Variants in HELZ2 observed in about 807,000 individuals in gnomAD.
The protein encoded by HELZ2 is 3'-5' exoribonuclease HELZ2.
Under a neutral mutation model 208.8 loss-of-function variants are expected in HELZ2, and 143 were observed. The observed-to-expected ratio is 0.68, with a 90% CI of 0.60 to 0.79. The LOEUF (loss-of-function observed/expected upper bound fraction) is 0.79, where lower values mean the gene tolerates loss of function less well. HELZ2 is among the 30% of genes least tolerant of loss of function. HELZ2 has a pLI of 0.00. For synonymous variants in HELZ2, 1,705 were observed against 1,693.7 expected (o/e 1.01, Z -0.16); for missense variants, 3,690 against 3,794.5 (o/e 0.97, Z 0.72).
chr20:63,563,790 A>G (rs1277559830), exon 8 of HELZ2: 1 of 1,603,868 alleles, frequency 6.2e-7, no homozygotes, highest in African/African-American at 1.3e-5. Flanking sequence ...ACGTCCAGGT[A>G]CCTGCGGATG....
At chr20:63,566,296 C>G in intron 7 of HELZ2, 65 bp from the exon 9 acceptor site, 1 of 1,501,402 alleles carries the variant, frequency 6.7e-7, no homozygotes, top group Non-Finnish European at 9.0e-7. Context: ...CCCACCCCTG[C>G]CGATGCCAGG....
exon 4 of HELZ2, chr20:63,569,211 T>C: frequency 6.4e-7 from 1 of 1,556,082 alleles, no homozygotes; most frequent in Non-Finnish European, 8.7e-7. Context: ...CCTCTGCCGA[T>C]AGTTGGTTGG....
exon 8 of HELZ2, chr20:63,563,160 C>A: frequency 1.3e-6 from 2 of 1,592,274 alleles, no homozygotes; most frequent in East Asian, 2.3e-5. Flanking sequence ...AGGCTGGTGC[C>A]GAGCTGCACC....
Position 63,560,157 on chromosome 20 carries a change from GC to G in HELZ2, c.7657+13del. On this transcript the variant is annotated intron_variant, in intron 17 of 18. Transcript: ENST00000467148. ...CCCACCCTCCCGGCCCCACCCACGA[GC>G]CCCCAGCCTCACCCTGGCTCTTGGT... is the stretch of plus-strand genomic sequence containing the variant. 2 of 1,511,088 alleles carry G rather than the reference GC, an allele frequency of 1.3e-6. No individual in the cohort carries two copies. Among genetic ancestry groups the G allele is most frequent in the Non-Finnish European group, 8.9e-7 (1 of 1,128,112 alleles). 93.6% of individuals were successfully genotyped at this position (1,511,088 alleles called of 1,614,324 possible).
chr20:63,566,708 CAGCCCTGGGAGGCAAATA>C, intron 6 of HELZ2, 118 bp downstream of exon 7: 1 of 907,376 alleles, frequency 1.1e-6, no homozygotes, highest in Non-Finnish European at 1.6e-6. Flanking sequence ...AGCCCCACCT[CAGCCCTGGGAGGCAAATA>C]CTGCAGCCCC....
At chr20:63,559,285 G>A (rs766730814) in exon 19 of HELZ2, 3 of 1,591,096 alleles carry the variant, frequency 1.9e-6, no homozygotes, top group African/African-American at 1.3e-5. Flanking sequence ...CGCGCACCTG[G>A]CCGGCAGGCA....
chr20:63,570,170 G>A (rs904468479), intron 3 of HELZ2: 9 of 486,006 alleles, frequency 1.9e-5, no homozygotes, highest in Non-Finnish European at 3.6e-5. Flanking sequence ...CTATTGGCCA[G>A]GCTGATCTCG....
intron 5 of HELZ2, 55 bp from the exon 7 acceptor site, chr20:63,567,682 G>A (rs369124396): frequency 1.9e-5 from 30 of 1,543,858 alleles, no homozygotes; most frequent in Admixed American, 1.3e-4. Flanking sequence ...AGTGCTGTCC[G>A]CTAAAGCACC....
intron 3 of HELZ2, 80 bp downstream of exon 4, chr20:63,570,424 A>G (rs768895207): frequency 2.6e-6 from 3 of 1,140,618 alleles, no homozygotes; most frequent in Non-Finnish European, 3.9e-6. Flanking sequence ...TCCATGACCC[A>G]GGCTGTTGAC....
At chr20:63,565,244 C>A (rs912398972) in exon 8 of HELZ2, 1 of 1,607,870 alleles carries the variant, frequency 6.2e-7, no homozygotes, top group Non-Finnish European at 8.5e-7. Context: ...CTTCAGCACG[C>A]CCAGCACGCG....
Position 63,561,067 on chromosome 20 carries a change from C to T in HELZ2, c.7146+15G>A, listed in dbSNP as rs756779918. ...GGACGCCTGCTCATGCTGCCCACAC[C>T]CCCCGCCGACCAACCTTCTCGGCCT... On this transcript the variant is annotated intron_variant, in intron 14 of 18. Coordinates refer to ENST00000467148, the Ensembl canonical transcript of HELZ2. The T allele has an allele frequency of 1.2e-6, 2 of 1,605,254 alleles. No individual in the cohort carries two copies. The highest frequency in any genetic ancestry group is 1.7e-6 in the Non-Finnish European group (2 of 1,175,104).
At chr20:63,570,644 T>C in intron 2 of HELZ2, 33 bp from the exon 4 acceptor site, 2 of 1,592,712 alleles carry the variant, frequency 1.3e-6, no homozygotes, top group Non-Finnish European at 1.7e-6. Context: ...GCAAGAGGCC[T>C]GGACCCCACC....
Position 63,560,195 on chromosome 20 carries a change from C to T in HELZ2, c.7633G>A (p.Val2545Met), listed in dbSNP as rs375463641. The change falls in exon 17 of 19, where the codon GTG becomes ATG. Residue 2545 changes from valine to methionine, a missense_variant. By Grantham distance (21) the Val-to-Met change is conservative. Transcript: ENST00000467148. Reference sequence around the variant, plus strand: ...CCCTGGCTCTTGGTGATGGAGGACACGGCCACCCCGGCGATGCCCTCTCGC... The same window carrying T: ...CCCTGGCTCTTGGTGATGGAGGACATGGCCACCCCGGCGATGCCCTCTCGC... The T allele has an allele frequency of 1.7e-5, 26 of 1,554,488 alleles. No individual in the cohort carries two copies. In the East Asian group the frequency reaches 1.9e-4, roughly 11 times the overall value.
exon 17 of HELZ2, chr20:63,560,204 C>G: frequency 6.4e-7 from 1 of 1,557,188 alleles, no homozygotes; most frequent in Non-Finnish European, 8.7e-7. Flanking sequence ...ACGGCCACCC[C>G]GGCGATGCCC....
chr20:63,565,313 T>C, exon 8 of HELZ2: 1 of 1,606,342 alleles, frequency 6.2e-7, no homozygotes, highest in Non-Finnish European at 8.5e-7. Context: ...CAGCACCTCA[T>C]CCCCGGCGAA....
exon 6 of HELZ2, chr20:63,566,853 G>A (rs376282035): frequency 2.0e-5 from 32 of 1,597,372 alleles, no homozygotes; most frequent in African/African-American, 1.6e-4. Context: ...CCTGGGCACC[G>A]TGGGAAACGA....
chr20:63,569,982 T>G, intron 3 of HELZ2: 1 of 493,260 alleles, frequency 2.0e-6, no homozygotes. Context: ...GGAGTTTCAC[T>G]CTTGTCGCCA....
Position 63,560,469 on chromosome 20 carries a change from A to AT in HELZ2, c.7500+9_7500+10insA, listed in dbSNP as rs1327232547. On this transcript the variant is annotated intron_variant, in intron 16 of 18. Coordinates refer to ENST00000467148, the Ensembl canonical transcript of HELZ2. ...AAGCCCTCCCTGACTCACAGGCACCAGACACTCACCACCTCAGCCACCTCC... is the reference window on the plus strand; with the variant it reads ...AAGCCCTCCCTGACTCACAGGCACCATGACACTCACCACCTCAGCCACCTCC... 6.2e-7 allele frequency: 1 copy of AT among 1,607,824 alleles called. No homozygotes were observed. The highest frequency in any genetic ancestry group is 2.2e-5 in the East Asian group (1 of 44,838).
exon 8 of HELZ2, chr20:63,566,219 C>A: frequency 6.7e-7 from 1 of 1,488,636 alleles, no homozygotes; most frequent in Non-Finnish European, 8.9e-7. Context: ...CACCACGACC[C>A]GGAACTGCCG....
Sources: gnomAD v4.1 joint callset for allele counts on GRCh38, gnomAD v4.1.1 for gene constraint, MANE v1.5 for transcripts, NCBI Gene and HGNC (gene_info 2026-07-23, HGNC 2026-07-21) for gene names.